Variants in DIAPH3 observed in about 807,000 individuals in gnomAD.
DIAPH3 encodes diaphanous related formin 3.
In DIAPH3, 117 loss-of-function variants were observed where a neutral mutation model predicts 144.3. The observed-to-expected ratio is 0.81, with a 90% CI of 0.70 to 0.95. DIAPH3 has a LOEUF of 0.95. DIAPH3 is among the 40% of genes least tolerant of loss of function. The pLI is 0.00. For synonymous variants in DIAPH3, 519 were observed against 488.9 expected, an observed-to-expected ratio of 1.06 and a Z score of -0.81; for missense variants, 1,421 against 1,412.7, an observed-to-expected ratio of 1.01 and a Z score of -0.09.
At chr13:60,041,558 C>A (rs781154279) in intron 5 of DIAPH3, among the ~76,000 whole-genome samples, 23 of 152,082 alleles carry the variant, frequency 1.5e-4, no homozygotes, top group Non-Finnish European at 2.6e-4. Context: ...CATGTACGGT[C>A]AAAGATTTCT....
chr13:59,668,754 T>C (rs2032173888), intron 27 of DIAPH3, among the ~76,000 whole-genome samples: 3 of 152,110 alleles, frequency 2.0e-5, no homozygotes, highest in African/African-American at 7.2e-5. Flanking sequence ...AATCAGAATT[T>C]TTAGTCAGTG....
At chr13:60,073,267 C>A (rs2057275403) in intron 4 of DIAPH3, among the ~76,000 whole-genome samples, 2 of 151,800 alleles carry the variant, frequency 1.3e-5, no homozygotes, top group Non-Finnish European at 2.9e-5. Context: ...CGAGGCGGCG[C>A]CACTGCACTC....
At chr13:59,689,970 G>A (rs1006446788) in intron 27 of DIAPH3, among the ~76,000 whole-genome samples, 8 of 151,940 alleles carry the variant, frequency 5.3e-5, no homozygotes, top group African/African-American at 1.7e-4. Flanking sequence ...TAAAAGAACT[G>A]GAAGGTCATC....
At chr13:60,038,477 A>T (rs1233997929) in intron 5 of DIAPH3, among the ~76,000 whole-genome samples, 2 of 152,158 alleles carry the variant, frequency 1.3e-5, no homozygotes, top group African/African-American at 2.4e-5. Flanking sequence ...TTGTGTTTTT[A>T]ATCCCAGAAA....
At chr13:59,841,748 TAAC>T (rs1270687448) in intron 22 of DIAPH3, among the ~76,000 whole-genome samples, 2 of 152,172 alleles carry the variant, frequency 1.3e-5, no homozygotes, top group East Asian at 1.9e-4. Context: ...GTAATGGTAA[TAAC>T]AACATCTAAA....
At chr13:59,908,728 AAACTT>A (rs1427741839) in intron 20 of DIAPH3, among the ~76,000 whole-genome samples, 3 of 152,214 alleles carry the variant, frequency 2.0e-5, no homozygotes, top group Non-Finnish European at 4.4e-5. Context: ...GGATAAAAGA[AAACTT>A]AAACTTAGTG....
At chr13:59,968,791 T>A (rs1208534910) in intron 17 of DIAPH3, among the ~76,000 whole-genome samples, 1 of 152,220 alleles carries the variant, frequency 6.6e-6, no homozygotes, top group Non-Finnish European at 1.5e-5. Flanking sequence ...AATACATTTT[T>A]AAAATATCTG....
chr13:59,755,076 T>A (rs929240211), intron 27 of DIAPH3, among the ~76,000 whole-genome samples: 2 of 152,222 alleles, frequency 1.3e-5, no homozygotes, highest in Non-Finnish European at 2.9e-5. Context: ...TCTGTTTAAA[T>A]GCTTATATGT....
chr13:59,866,657 T>C (rs1253784157), intron 21 of DIAPH3, among the ~76,000 whole-genome samples: 2 of 152,102 alleles, frequency 1.3e-5, no homozygotes, highest in East Asian at 3.8e-4. Context: ...TATATATTTC[T>C]AATGGATTAC....
At chr13:59,831,383 G>C (rs1410044209) in intron 24 of DIAPH3, among the ~76,000 whole-genome samples, 1 of 151,784 alleles carries the variant, frequency 6.6e-6, no homozygotes, top group Non-Finnish European at 1.5e-5. Context: ...CAGTCTTCAG[G>C]AGAAACCAGA....
intron 4 of DIAPH3, among the ~76,000 whole-genome samples, chr13:60,077,425 T>A (rs944587677): frequency 6.6e-6 from 1 of 152,024 alleles, no homozygotes; most frequent in African/African-American, 2.4e-5. Context: ...AATCAAAATA[T>A]GAGATAATAT....
intron 27 of DIAPH3, among the ~76,000 whole-genome samples, chr13:59,676,014 G>T (rs970222737): frequency 6.6e-6 from 1 of 152,170 alleles, no homozygotes; most frequent in African/African-American, 2.4e-5. Flanking sequence ...GTGCTTTTAA[G>T]TATATTTCCT....
At chr13:59,775,060 G>A (rs139589054) in intron 25 of DIAPH3, among the ~76,000 whole-genome samples, 18 of 152,192 alleles carry the variant, frequency 1.2e-4, no homozygotes, top group Admixed American at 1.1e-3. Context: ...CGAGTTCCAC[G>A]GATTCACTTC....
At chr13:60,075,047 C>T (rs995198891) in intron 4 of DIAPH3, among the ~76,000 whole-genome samples, 2 of 152,234 alleles carry the variant, frequency 1.3e-5, no homozygotes, top group Middle Eastern at 3.4e-3. Flanking sequence ...TTGATAGATA[C>T]TGACAAATTA....
chr13:59,867,778 A>C (rs935473220), intron 21 of DIAPH3, among the ~76,000 whole-genome samples: 1 of 152,146 alleles, frequency 6.6e-6, no homozygotes, highest in Non-Finnish European at 1.5e-5. Context: ...AAACAGCTCA[A>C]TGTTCCTTAC....
At chr13:59,671,948 G>C (rs1306155793) in intron 27 of DIAPH3, among the ~76,000 whole-genome samples, 1 of 152,110 alleles carries the variant, frequency 6.6e-6, no homozygotes, top group Non-Finnish European at 1.5e-5. Flanking sequence ...AGATTTGGAT[G>C]ACAAAGAAAG....
At chr13:60,116,030 A>C (rs1346486787) in intron 2 of DIAPH3, among the ~76,000 whole-genome samples, 1 of 152,132 alleles carries the variant, frequency 6.6e-6, no homozygotes, top group Non-Finnish European at 1.5e-5. Context: ...TGTACTACAA[A>C]AAGTATAAAA....
intron 17 of DIAPH3, among the ~76,000 whole-genome samples, chr13:59,949,802 G>C (rs1329807562): frequency 6.6e-6 from 1 of 152,086 alleles, no homozygotes; most frequent in Non-Finnish European, 1.5e-5. Context: ...TTTATCTTTA[G>C]CCTAAAATCT....
intron 27 of DIAPH3, among the ~76,000 whole-genome samples, chr13:59,752,743 C>T (rs1311999585): frequency 6.6e-6 from 1 of 152,000 alleles, no homozygotes; most frequent in Non-Finnish European, 1.5e-5. Context: ...AAGGTCTAAA[C>T]AAAAAACTCT....
Sources: allele counts gnomAD v4.1 joint callset (sites outside exome capture counted in the v4.1 genomes callset), GRCh38; gene constraint gnomAD v4.1.1; transcripts MANE v1.5; gene names NCBI Gene and HGNC (gene_info 2026-07-23, HGNC 2026-07-21).